Variants in CALN1 observed in about 807,000 individuals in gnomAD.
The protein encoded by CALN1 is calneuron 1, also known as calcium-binding protein 8.
CALN1 carries 17 observed loss-of-function variants against 30.6 expected under a neutral mutation model. That is an observed-to-expected ratio of 0.56 (90% CI 0.38 to 0.83). The LOEUF (loss-of-function observed/expected upper bound fraction) is 0.83, where lower values mean the gene tolerates loss of function less well. Ranked by LOEUF, CALN1 falls within the 40% of genes least tolerant of loss-of-function variation. The pLI is 0.00. For missense variants in CALN1, 291 were observed against 354.9 expected (o/e 0.82, Z 1.45); for synonymous variants, 156 against 131.4 (o/e 1.19, Z -1.28).
At chr7:71,928,318 G>T (rs1440155096) in intron 5 of CALN1, among the ~76,000 whole-genome samples, 2 of 152,016 alleles carry the variant, frequency 1.3e-5, no homozygotes, top group Non-Finnish European at 2.9e-5. Flanking sequence ...CTACCTCCTT[G>T]GTTTCCCATA....
chr7:72,014,174 T>A (rs1294008029), intron 5 of CALN1, among the ~76,000 whole-genome samples: 2 of 150,492 alleles, frequency 1.3e-5, no homozygotes, highest in South Asian at 2.1e-4. Context: ...GCAGCCTCCG[T>A]CCCCTGGGCT....
intron 3 of CALN1, among the ~76,000 whole-genome samples, chr7:72,199,554 T>C (rs948298848): frequency 6.6e-6 from 1 of 152,148 alleles, no homozygotes; most frequent in Admixed American, 6.6e-5. Context: ...ACCACATCTC[T>C]ACAAACAATT....
intron 3 of CALN1, among the ~76,000 whole-genome samples, chr7:72,187,824 T>C (rs1585121052): frequency 6.6e-6 from 1 of 152,210 alleles, no homozygotes; most frequent in Non-Finnish European, 1.5e-5. Context: ...TTATATAAAA[T>C]TTGTGATATA....
chr7:72,411,611 C>T (rs148055048), intron 1 of CALN1, among the ~76,000 whole-genome samples: 1 of 152,286 alleles, frequency 6.6e-6, no homozygotes, highest in African/African-American at 2.4e-5. Context: ...CCACTTCCGG[C>T]TAAGTAATCA....
intron 4 of CALN1, among the ~76,000 whole-genome samples, chr7:72,047,571 G>A (rs570074000): frequency 6.6e-6 from 1 of 152,196 alleles, no homozygotes; most frequent in South Asian, 2.1e-4. Flanking sequence ...TCAGAGTAAC[G>A]GAGCAAAACC....
At chr7:72,229,468 A>G (rs986594056) in intron 3 of CALN1, among the ~76,000 whole-genome samples, 1 of 152,030 alleles carries the variant, frequency 6.6e-6, no homozygotes, top group Non-Finnish European at 1.5e-5. Context: ...TTCTACTATA[A>G]AGACACATGC....
At chr7:71,870,577 T>C (rs1184041806) in intron 5 of CALN1, among the ~76,000 whole-genome samples, 3 of 152,170 alleles carry the variant, frequency 2.0e-5, no homozygotes, top group African/African-American at 7.2e-5. Flanking sequence ...AATAGTAGAA[T>C]TGTTTTTTTC....
At chr7:72,269,164 G>A (rs1796798812) in intron 3 of CALN1, among the ~76,000 whole-genome samples, 1 of 152,172 alleles carries the variant, frequency 6.6e-6, no homozygotes, top group Non-Finnish European at 1.5e-5. Flanking sequence ...GGTTCCCCAT[G>A]AACATCTGGT....
intron 1 of CALN1, among the ~76,000 whole-genome samples, chr7:72,438,252 C>T (rs1292789791): frequency 1.3e-5 from 2 of 151,982 alleles, no homozygotes; most frequent in Admixed American, 6.6e-5. Context: ...GTAGCTGGTT[C>T]TCCAGGCATG....
At chr7:72,021,167 T>C (rs1438326529) in intron 5 of CALN1, among the ~76,000 whole-genome samples, 1 of 152,066 alleles carries the variant, frequency 6.6e-6, no homozygotes, top group African/African-American at 2.4e-5. Context: ...CCCAGCCACT[T>C]GGAAGGCTGA....
At chr7:72,280,804 T>C (rs1797681433) in intron 2 of CALN1, among the ~76,000 whole-genome samples, 1 of 152,150 alleles carries the variant, frequency 6.6e-6, no homozygotes, top group Non-Finnish European at 1.5e-5. Context: ...TTAATGCTGT[T>C]ATTGCAGGCA....
intron 6 of CALN1, 128 bp downstream of exon 6, chr7:71,810,208 T>C: frequency 1.1e-6 from 1 of 945,558 alleles, no homozygotes; most frequent in South Asian, 2.1e-5. Context: ...ACCTCAGTCC[T>C]GGATTTTTGG....
intron 2 of CALN1, among the ~76,000 whole-genome samples, chr7:72,397,086 A>G (rs527572910): frequency 6.6e-6 from 1 of 151,768 alleles, no homozygotes; most frequent in South Asian, 2.1e-4. Context: ...AATTTTTTTT[A>G]GTTTTGCAGA....
intron 4 of CALN1, among the ~76,000 whole-genome samples, chr7:72,048,879 C>CT (rs750163974): frequency 6.6e-6 from 1 of 151,914 alleles, no homozygotes; most frequent in Non-Finnish European, 1.5e-5. Context: ...ATGATTATAG[C>CT]TCTCTGCAGC....
At chr7:72,195,289 G>A (rs1166473228) in intron 3 of CALN1, among the ~76,000 whole-genome samples, 1 of 152,202 alleles carries the variant, frequency 6.6e-6, no homozygotes, top group East Asian at 1.9e-4. Flanking sequence ...CAGTGGACAG[G>A]TATGGGCTTC....
At chr7:71,937,922 C>A (rs75022268) in intron 5 of CALN1, among the ~76,000 whole-genome samples, 1 of 152,170 alleles carries the variant, frequency 6.6e-6, no homozygotes, top group East Asian at 1.9e-4. Context: ...CTGCCCTTTT[C>A]CAGAACCACA....
intron 2 of CALN1, among the ~76,000 whole-genome samples, chr7:72,379,406 T>G (rs1878490): frequency 6.6e-6 from 1 of 152,124 alleles, no homozygotes; most frequent in Non-Finnish European, 1.5e-5. Context: ...CTAACAGTTA[T>G]AGGGTGCATA....
chr7:71,806,264 A>ACG (rs200492772), intron 6 of CALN1, among the ~76,000 whole-genome samples: 18 of 138,022 alleles, frequency 1.3e-4, no homozygotes, highest in East Asian at 6.4e-4. Context: ...ACACACACAC[A>ACG]CACACAAACA....
chr7:72,161,328 C>G (rs554422347), intron 3 of CALN1, among the ~76,000 whole-genome samples: 3 of 152,160 alleles, frequency 2.0e-5, no homozygotes, highest in Admixed American at 6.5e-5. Context: ...ATATCTACCT[C>G]TTTCACCTTC....
Sources: gnomAD v4.1 joint callset for allele counts (sites outside exome capture counted in the v4.1 genomes callset) on GRCh38, gnomAD v4.1.1 for gene constraint, MANE v1.5 for transcripts, NCBI Gene and HGNC (gene_info 2026-07-23, HGNC 2026-07-21) for gene names.